Variants in FAP observed in about 807,000 individuals in gnomAD.
The protein encoded by FAP is fibroblast activation protein alpha.
FAP carries 110 observed loss-of-function variants against 126.5 expected under a neutral mutation model. That is an observed-to-expected ratio of 0.87 (90% CI 0.74 to 1.02). The LOEUF is 1.02. Among genes scored for constraint, FAP ranks in the 50% least tolerant of loss-of-function variants. The probability of loss-of-function intolerance (pLI) is 0.00; values close to 1 mark genes in which losing one functional copy is unlikely to be tolerated. For missense variants in FAP, 919 were observed against 909.2 expected, an observed-to-expected ratio of 1.01 and a Z score of -0.14; for synonymous variants, 334 against 297.3, an observed-to-expected ratio of 1.12 and a Z score of -1.27.
rs1327912317 is a variant in FAP, at chr2:162,173,202, C to T, written c.2054G>A (p.Arg685Lys). 1 of 1,613,022 alleles carries T rather than the reference C, an allele frequency of 6.2e-7. No homozygotes were observed. The highest frequency in any genetic ancestry group is 8.5e-7 in the Non-Finnish European group (1 of 1,179,198). The change falls in exon 24 of 26, where the codon AGA (arginine) becomes AAA (lysine). Residue 685 changes from arginine (R) to lysine (K), a missense_variant. Arg to Lys is a conservative substitution (Grantham distance 26). Coordinates refer to ENST00000188790, the MANE Select transcript of FAP (RefSeq NM_004460.5). ...EHYKNSTVMA[R>K]AEYFRNVDYL... ...GTCTACATTTCTGAAATATTCTGCT[C>T]TTGCCATCACAGTTGAATTCTGGAA...
intron 2 of FAP, 137 bp downstream of exon 2, chr2:162,242,771 C>T: frequency 1.5e-6 from 1 of 653,932 alleles, no homozygotes; most frequent in Non-Finnish European, 2.7e-6. Context: ...TATCTGTGAG[C>T]TTATATGTCT....
At chr2:162,210,123 A>G (rs1688865111) in intron 11 of FAP, 127 bp from the exon 12 acceptor site, 4 of 727,198 alleles carry the variant, frequency 5.5e-6, no homozygotes, top group Non-Finnish European at 6.9e-6. Context: ...ACTAACTTCA[A>G]ATTTGAGTTT....
At chr2:162,171,511 T>C (rs1687302373) in intron 25 of FAP, 1 of 166,998 alleles carries the variant, frequency 6.0e-6, no homozygotes, top group Non-Finnish European at 1.3e-5. Flanking sequence ...ATCTAATTCC[T>C]CTCTGTTGCA....
At chr2:162,208,983 T>C (rs981967906) in intron 12 of FAP, among the ~76,000 whole-genome samples, 5 of 152,080 alleles carry the variant, frequency 3.3e-5, no homozygotes, top group Non-Finnish European at 5.9e-5. Context: ...TTAAACAGCA[T>C]GTAAGCCAAA....
chr2:162,173,019 C>CA, intron 24 of FAP, 130 bp downstream of exon 24: 1 of 1,107,352 alleles, frequency 9.0e-7, no homozygotes, highest in East Asian at 2.4e-5. Flanking sequence ...TAATCACACT[C>CA]AGATATGGAA....
At chr2:162,193,263 G>A (rs1189745489) in intron 17 of FAP, among the ~76,000 whole-genome samples, 1 of 152,084 alleles carries the variant, frequency 6.6e-6, no homozygotes, top group African/African-American at 2.4e-5. Context: ...AAAATCTTTG[G>A]GGAAGTCCTG....
chr2:162,218,440 GT>G (rs1348445277), intron 8 of FAP, among the ~76,000 whole-genome samples: 1 of 151,918 alleles, frequency 6.6e-6, no homozygotes, highest in Non-Finnish European at 1.5e-5. Flanking sequence ...GCAGTTTCAG[GT>G]TTTTTAGTCA....
At chr2:162,225,885 C>A (rs11679244) in intron 3 of FAP, among the ~76,000 whole-genome samples, 52,189 of 151,962 alleles carry the variant, frequency 0.34, 10,475 homozygotes, top group Non-Finnish European at 0.46. Flanking sequence ...GTGTATATTT[C>A]TTTTGCAGTA....
chr2:162,171,069 G>A lies in FAP; in HGVS notation c.2193C>T (p.Asp731=), dbSNP rs558155193. The A allele has an allele frequency of 1.9e-6, 3 of 1,612,816 alleles. No individual in the cohort carries two copies. Among genetic ancestry groups the A allele is most frequent in the Non-Finnish European group, 2.5e-6 (3 of 1,179,094 alleles). The change falls in exon 26 of 26, where the codon GAC becomes GAT. Residue 731 remains aspartate (D), a synonymous_variant. Transcript: ENST00000188790. ...ACAGGCCGGATAAGCCGTGGTTCTGGTCAGAGTACCACTGAAACACAAAGA... is the reference window on the plus strand; with the variant it reads ...ACAGGCCGGATAAGCCGTGGTTCTGATCAGAGTACCACTGAAACACAAAGA... ...QVDFQAMWYS[D]QNHGLSGLST...
chr2:162,208,607 C>A (rs982373580), intron 12 of FAP, among the ~76,000 whole-genome samples: 1 of 152,038 alleles, frequency 6.6e-6, no homozygotes, highest in Non-Finnish European at 1.5e-5. Context: ...TTCTTCCCTT[C>A]GTTCTTTACT....
chr2:162,223,131 A>G (rs1689481900), intron 6 of FAP, among the ~76,000 whole-genome samples: 2 of 152,162 alleles, frequency 1.3e-5, no homozygotes, highest in African/African-American at 4.8e-5. Context: ...ATATTTTTCT[A>G]TTTTAAAAAT....
chr2:162,230,747 C>T (rs1399754478), intron 2 of FAP, among the ~76,000 whole-genome samples: 1 of 151,518 alleles, frequency 6.6e-6, no homozygotes, highest in Non-Finnish European at 1.5e-5. Context: ...CTCAAACTTA[C>T]TGAATCCAAA....
Position 162,226,545 on chromosome 2 carries a change from T to A in FAP, c.168A>T (p.Thr56=). The change falls in exon 3 of 26, where the codon ACA becomes ACT. Residue 56 remains threonine (T), a synonymous_variant. Transcript: ENST00000188790. The part of the protein sequence containing the change: ...DILNGTFSYK[T]FFPNWISGQE... ...TACCTGAAATCCAGTTTGGAAAAAA[T>A]GTTTTATAAGAAAATGTTCCATTTA... is the stretch of plus-strand genomic sequence containing the variant. 6.3e-7 allele frequency: 1 copy of A among 1,577,182 alleles called. No individual in the cohort carries two copies. The highest frequency in any genetic ancestry group is 8.7e-7 in the Non-Finnish European group (1 of 1,155,216).
In FAP at chr2:162,174,956, C is replaced by T; in HGVS notation, c.1880G>A (p.Gly627Glu). 6.2e-7 allele frequency: 1 copy of T among 1,610,860 alleles called. No homozygotes were observed. The highest frequency in any genetic ancestry group is 2.2e-5 in the East Asian group (1 of 44,816). Reference protein sequence around the residue: ...RIAIWGWSYGGYVSSLALASG... With the variant: ...RIAIWGWSYGEYVSSLALASG... ...TGCAAGGGCCAGTGATGAAACGTAT[C>T]CTCCATAGGACTGTAGAGACATTGT... Residue 627 changes from glycine (G) to glutamate (E), a missense_variant, in exon 22 of 26, where the codon GGA becomes GAA. Physicochemically the swap from Gly to Glu is moderately conservative, Grantham distance 98. Coordinates refer to ENST00000188790, the MANE Select transcript of FAP (RefSeq NM_004460.5).
intron 21 of FAP, among the ~76,000 whole-genome samples, chr2:162,182,010 C>T (rs997847287): frequency 2.0e-5 from 3 of 152,090 alleles, no homozygotes; most frequent in Non-Finnish European, 1.5e-5. Context: ...CAGTCATTAC[C>T]ATGTTGGAAA....
intron 11 of FAP, among the ~76,000 whole-genome samples, chr2:162,212,488 G>A (rs540734326): frequency 5.9e-5 from 9 of 152,014 alleles, no homozygotes; most frequent in Non-Finnish European, 1.2e-4. Context: ...ATAAAAATAC[G>A]CTTCTAGCAT....
At chr2:162,228,544 G>A (rs1250857605) in intron 2 of FAP, among the ~76,000 whole-genome samples, 1 of 152,080 alleles carries the variant, frequency 6.6e-6, no homozygotes, top group Non-Finnish European at 1.5e-5. Context: ...CTTATTCCAT[G>A]GCTGTAAGAA....
chr2:162,214,171 T>C, intron 10 of FAP, 98 bp from the exon 11 acceptor site: 4 of 1,046,042 alleles, frequency 3.8e-6, no homozygotes, highest in South Asian at 2.1e-5. Flanking sequence ...ATGTCATTAT[T>C]ATACATTACT....
chr2:162,173,493 G>C (rs1169649237), intron 23 of FAP, among the ~76,000 whole-genome samples: 3 of 151,980 alleles, frequency 2.0e-5, no homozygotes, highest in Non-Finnish European at 4.4e-5. Flanking sequence ...GTAGGGGTTG[G>C]GGGTGGGGAG....
Sources: allele counts gnomAD v4.1 joint callset (sites outside exome capture counted in the v4.1 genomes callset), GRCh38; gene constraint gnomAD v4.1.1; transcripts MANE v1.5; gene names NCBI Gene and HGNC (gene_info 2026-07-23, HGNC 2026-07-21).